The following KCNG2 variants were observed in gnomAD, a reference collection of about 807,000 sequenced individuals.
KCNG2 encodes the protein voltage-gated potassium channel regulatory subunit KCNG2.
KCNG2 carries 7 observed loss-of-function variants against 12.3 expected under a neutral mutation model. The observed-to-expected ratio is 0.57, with a 90% CI of 0.32 to 1.07. The LOEUF is 1.07. Ranked by LOEUF, KCNG2 falls within the 50% of genes least tolerant of loss-of-function variation. The probability of loss-of-function intolerance (pLI) is 0.04; values close to 1 mark genes in which losing one functional copy is unlikely to be tolerated. For synonymous variants in KCNG2, 414 were observed against 351.4 expected (o/e 1.18, Z -1.99); for missense variants, 703 against 726.0 (o/e 0.97, Z 0.36).
At chr18:79,858,715 C>A (rs1188359906) in intron 2 of KCNG2, among the ~76,000 whole-genome samples, 1 of 152,032 alleles carries the variant, frequency 6.6e-6, no homozygotes, top group Non-Finnish European at 1.5e-5. Context: ...TTTTCCACAT[C>A]CTTTCCAACA....
chr18:79,864,163 G>A lies in KCNG2; in HGVS notation c.496G>A (p.Val166Met), dbSNP rs1483857804. Residue 166 changes from valine to methionine, a missense_variant, in exon 3 of 4, where the codon GTG (valine) becomes ATG (methionine). Coordinates refer to ENST00000316249, the MANE Select transcript of KCNG2 (RefSeq NM_012283.2). The stretch of plus-strand genomic sequence containing the variant: ...GCGCGGCCGGCGGCGCCTGCGCGAC[G>A]TGGTGGACAACCCGCACTCGGGGCT... ...LQRGRRRLRD[V>M]VDNPHSGLAG... is the part of the protein sequence containing the mutation. 1 of 1,491,770 alleles carries A rather than the reference G, an allele frequency of 6.7e-7. No individual in the cohort carries two copies. Among genetic ancestry groups the A allele is most frequent in the South Asian group, 1.2e-5 (1 of 83,532 alleles). 92.4% of individuals were successfully genotyped at this position (1,491,770 alleles called of 1,614,324 possible).
chr18:79,845,660 T>C (rs1978597983), intron 1 of KCNG2, among the ~76,000 whole-genome samples: 1 of 152,234 alleles, frequency 6.6e-6, no homozygotes, highest in Non-Finnish European at 1.5e-5. Context: ...TGGCTAAAAA[T>C]GGATCTCATT....
chr18:79,883,353 G>A (rs2123113460), intron 3 of KCNG2, among the ~76,000 whole-genome samples: 1 of 152,342 alleles, frequency 6.6e-6, no homozygotes, highest in Non-Finnish European at 1.5e-5. Flanking sequence ...CCAGGACCGT[G>A]ATTTGTCCAG....
At chr18:79,850,423 C>G (rs1978777578) in intron 1 of KCNG2, among the ~76,000 whole-genome samples, 1 of 152,118 alleles carries the variant, frequency 6.6e-6, no homozygotes, top group Non-Finnish European at 1.5e-5. Context: ...TTCAGAGTTC[C>G]TATTTCTTAA....
intron 1 of KCNG2, among the ~76,000 whole-genome samples, chr18:79,804,236 G>T (rs1259826042): frequency 6.6e-6 from 1 of 152,222 alleles, no homozygotes; most frequent in African/African-American, 2.4e-5. Flanking sequence ...TTGAGAGCGT[G>T]TTCTTCTTGC....
At chr18:79,807,443 A>G (rs561904378) in intron 1 of KCNG2, among the ~76,000 whole-genome samples, 1 of 152,338 alleles carries the variant, frequency 6.6e-6, no homozygotes, top group South Asian at 2.1e-4. Flanking sequence ...GCAAGCGCTC[A>G]GTGACCACCT....
intron 1 of KCNG2, among the ~76,000 whole-genome samples, chr18:79,812,226 CTGAA>C (rs2087498287): frequency 6.6e-6 from 1 of 152,148 alleles, no homozygotes; most frequent in African/African-American, 2.4e-5. Flanking sequence ...ACACATAGAA[CTGAA>C]TGAAAGTGAA....
intron 3 of KCNG2, among the ~76,000 whole-genome samples, chr18:79,898,716 G>C (rs2123139283): frequency 6.6e-6 from 1 of 152,358 alleles, no homozygotes; most frequent in South Asian, 2.1e-4. Flanking sequence ...CATATAAATA[G>C]ATGTTTCTTC....
At chr18:79,869,247 TG>T (rs1459721146) in intron 3 of KCNG2, among the ~76,000 whole-genome samples, 3 of 148,210 alleles carry the variant, frequency 2.0e-5, no homozygotes, top group Non-Finnish European at 1.5e-5. Context: ...GGCTGCGACC[TG>T]CACAGGGGCA....
intron 1 of KCNG2, among the ~76,000 whole-genome samples, chr18:79,814,078 GA>G (rs147427361): frequency 6.6e-6 from 1 of 152,332 alleles, no homozygotes; most frequent in Non-Finnish European, 1.5e-5. Flanking sequence ...CAGAGTGGCT[GA>G]AATCAATAGA....
intron 3 of KCNG2, among the ~76,000 whole-genome samples, chr18:79,873,908 G>T (rs535941099): frequency 3.6e-4 from 55 of 152,350 alleles, no homozygotes; most frequent in African/African-American, 1.2e-3. Context: ...GGACATCCTT[G>T]TCAGTGACAT....
intron 1 of KCNG2, among the ~76,000 whole-genome samples, chr18:79,833,330 A>C (rs903737993): frequency 6.6e-6 from 1 of 152,264 alleles, no homozygotes; most frequent in Non-Finnish European, 1.5e-5. Context: ...TGTAGAGACA[A>C]AAATCTCACT....
chr18:79,798,721 G>T (rs572230330), intron 1 of KCNG2, among the ~76,000 whole-genome samples: 41 of 152,330 alleles, frequency 2.7e-4, no homozygotes, highest in Admixed American at 1.1e-3. Context: ...GGAGCTCCCA[G>T]CCTTGCCCGC....
intron 2 of KCNG2, among the ~76,000 whole-genome samples, chr18:79,861,208 G>A (rs1188170916): frequency 6.6e-6 from 1 of 150,812 alleles, no homozygotes; most frequent in African/African-American, 2.4e-5. Flanking sequence ...CTTTTAATAT[G>A]AAGCTGGATT....
chr18:79,894,526 G>C (rs1222370136), intron 3 of KCNG2, among the ~76,000 whole-genome samples: 4 of 151,496 alleles, frequency 2.6e-5, no homozygotes, highest in African/African-American at 9.7e-5. Context: ...TTTTGATTGG[G>C]TTGTTCACTC....
At chr18:79,865,349 GGTGCTGAGAGGTCTGT>G (rs1482579193) in intron 3 of KCNG2, among the ~76,000 whole-genome samples, 12 of 122,866 alleles carry the variant, frequency 9.8e-5, no homozygotes. Context: ...CTGAGGTCTG[GGTGCTGAGAGGTCTGT>G]GTGCTGAGAG....
At chr18:79,892,639 T>G (rs1980783973) in intron 3 of KCNG2, among the ~76,000 whole-genome samples, 1 of 152,136 alleles carries the variant, frequency 6.6e-6, no homozygotes. Flanking sequence ...GTTCACTCCA[T>G]TCACAGCTAA....
chr18:79,823,208 G>C (rs1007675563), intron 1 of KCNG2, among the ~76,000 whole-genome samples: 1 of 152,156 alleles, frequency 6.6e-6, no homozygotes, highest in Non-Finnish European at 1.5e-5. Flanking sequence ...TCCTCCTTCC[G>C]GCACGTGCCC....
chr18:79,866,660 T>TGA (rs775032768), intron 3 of KCNG2, among the ~76,000 whole-genome samples: 2 of 106,222 alleles, frequency 1.9e-5, no homozygotes, highest in East Asian at 3.6e-4. Context: ...GTCTGGGTGC[T>TGA]GAGGTCTGGG....
Sources: gnomAD v4.1 joint callset for allele counts (sites outside exome capture counted in the v4.1 genomes callset) on GRCh38, gnomAD v4.1.1 for gene constraint, MANE v1.5 for transcripts, NCBI Gene and HGNC (gene_info 2026-07-23, HGNC 2026-07-21) for gene names.